Variants in PRAG1 observed in about 807,000 individuals in gnomAD.
The protein encoded by PRAG1 is PEAK1 related, kinase-activating pseudokinase 1.
In PRAG1, 110 loss-of-function variants were observed where a neutral mutation model predicts 95.6. The ratio of observed to expected loss-of-function variants is 1.15; its 90% CI spans 0.99 to 1.35. The LOEUF (loss-of-function observed/expected upper bound fraction) is 1.35, where lower values mean the gene tolerates loss of function less well. Ranked by LOEUF, PRAG1 falls within the 40% of genes most tolerant of loss-of-function variation. PRAG1 has a pLI of 0.00. For missense variants in PRAG1, 2,554 were observed against 1,864.7 expected (o/e 1.37, Z -6.81); for synonymous variants, 1,052 against 819.4 (o/e 1.28, Z -4.85).
At chr8:8,367,835 G>C (rs1378140273) in intron 3 of PRAG1, among the ~76,000 whole-genome samples, 1 of 152,102 alleles carries the variant, frequency 6.6e-6, no homozygotes, top group Admixed American at 6.5e-5. Flanking sequence ...TAGAGACGGG[G>C]TTTCACCACG....
chr8:8,376,966 C>T lies in PRAG1; in HGVS notation c.1443G>A (p.Pro481=), dbSNP rs373955959. The T allele has an allele frequency of 2.0e-5, 33 of 1,613,442 alleles. No individual in the cohort carries two copies. The highest frequency in any genetic ancestry group is 1.6e-4 in the Middle Eastern group (1 of 6,062). ...SATITVMAAH[P]EEDHRTIYLS... The stretch of plus-strand genomic sequence containing the variant: ...GGTAGATCGTCCGATGGTCCTCTTC[C>T]GGGTGGGCCGCCATGACTGTGATGG... The change falls in exon 3 of 6, where the codon CCG becomes CCA. Residue 481 remains proline (P), a synonymous_variant. Transcript: ENST00000615670.
intron 3 of PRAG1, 96 bp downstream of exon 3, chr8:8,376,151 G>T: frequency 6.7e-7 from 1 of 1,492,840 alleles, no homozygotes. Flanking sequence ...GGCAGATTCT[G>T]GGACCTGGGC....
intron 3 of PRAG1, among the ~76,000 whole-genome samples, chr8:8,373,597 G>A (rs755791856): frequency 6.6e-6 from 1 of 151,962 alleles, no homozygotes; most frequent in Non-Finnish European, 1.5e-5. Flanking sequence ...TGACAGGCAT[G>A]TGCCACCATC....
At chr8:8,384,608 C>CAA (rs11400182) in intron 1 of PRAG1, among the ~76,000 whole-genome samples, 1,249 of 92,404 alleles carry the variant, frequency 0.014, 15 homozygotes, top group African/African-American at 0.05. Flanking sequence ...CGCATGCAGC[C>CAA]AAAAAAAAAA....
In PRAG1 at chr8:8,339,614, C is replaced by T. The variant is rs375760425; in HGVS notation, c.2184G>A (p.Lys728=). 6.2e-7 allele frequency: 1 copy of T among 1,612,252 alleles called. No homozygotes were observed. The highest frequency in any genetic ancestry group is 1.3e-5 in the African/African-American group (1 of 74,904). The change falls in exon 4 of 6, where the codon AAG becomes AAA. Residue 728 remains lysine, a synonymous_variant. Coordinates refer to ENST00000615670, the MANE Select transcript of PRAG1 (RefSeq NM_001080826.3). The part of the protein sequence containing the change: ...PKSRHLLKMN[K]SSSDLEKVSQ... The stretch of plus-strand genomic sequence containing the variant: ...TCACTTTTTCCAAATCAGAGCTGCT[C>T]TTGTTCATTTTTAGAAGGTGCCTGG...
intron 3 of PRAG1, among the ~76,000 whole-genome samples, chr8:8,369,919 T>C (rs1371983796): frequency 6.6e-6 from 1 of 152,192 alleles, no homozygotes; most frequent in African/African-American, 2.4e-5. Flanking sequence ...GACAGTCATA[T>C]TGCACGCCTG....
intron 3 of PRAG1, among the ~76,000 whole-genome samples, chr8:8,373,184 C>G (rs2945852): frequency 1.3e-5 from 2 of 152,164 alleles, no homozygotes; most frequent in African/African-American, 2.4e-5. Context: ...CACTAACACT[C>G]TGATTTGCCA....
At chr8:8,380,750 G>C (rs1286080228) in intron 2 of PRAG1, among the ~76,000 whole-genome samples, 2 of 151,278 alleles carry the variant, frequency 1.3e-5, no homozygotes, top group African/African-American at 4.9e-5. Flanking sequence ...CTACTCAGGA[G>C]GCTGAGGCAG....
rs190393624 is a variant in PRAG1 at position 8,374,740 on chromosome 8, C to T, written c.2162+1507G>A. 3 of 984,422 alleles carry T rather than the reference C, an allele frequency of 3.0e-6. No individual in the cohort carries two copies. In the East Asian group the frequency reaches 3.4e-4, roughly 112 times the overall value. The allele number at this position is 984,422 out of a possible 1,614,324, so 61.0% of individuals were successfully genotyped here. The stretch of plus-strand genomic sequence containing the variant: ...CAGGATCTGGAAGATGTCTGTTCTC[C>T]ATGGTGGGCGGCCAGTGCAATACCA... On this transcript the variant is annotated intron_variant, in intron 3 of 5. Transcript: ENST00000615670.
rs1214780667 is a variant in PRAG1 at position 8,336,908 on chromosome 8, TC to T, written c.2320+2569del. ...CCCCACTCCCCTCCCCACACCCCTT[TC>T]CCCCCTCCCCCCACCTCCGACATAA... is the stretch of plus-strand genomic sequence containing the variant. On this transcript the variant is annotated intron_variant, in intron 4 of 5. Transcript: ENST00000615670. 1.1e-3 allele frequency among the ~76,000 whole-genome samples: 55 copies of T among 49,028 alleles called. 1 individual carries two copies. The highest frequency in any genetic ancestry group is 6.3e-3 in the Middle Eastern group (1 of 158). The allele number at this position is 49,028 out of a possible 152,430, so 32.2% of individuals were successfully genotyped here. A position where few individuals can be genotyped will look rare whatever the true frequency, so the allele number is the denominator to read the frequency against.
intron 4 of PRAG1, among the ~76,000 whole-genome samples, chr8:8,333,016 C>CT (rs1585227978): frequency 1.3e-5 from 2 of 152,310 alleles, no homozygotes; most frequent in East Asian, 3.9e-4. Context: ...AAAAGTCTGC[C>CT]TAAAAAATCC....
intron 3 of PRAG1, among the ~76,000 whole-genome samples, chr8:8,371,217 G>T (rs1374738400): frequency 1.3e-5 from 2 of 150,972 alleles, no homozygotes; most frequent in Non-Finnish European, 2.9e-5. Context: ...AAAAAGGGGT[G>T]AATTTAGCAA....
At chr8:8,333,675 G>A (rs1563231655) in intron 4 of PRAG1, among the ~76,000 whole-genome samples, 1 of 152,242 alleles carries the variant, frequency 6.6e-6, no homozygotes, top group Non-Finnish European at 1.5e-5. Context: ...GACAGAGGAA[G>A]TGGTCAGTCC....
At position 8,376,701 on chromosome 8, in the gene PRAG1, GCGGTGACACTGGGGGCCCTCCAGCAGA is replaced by G; in HGVS notation, c.1681_1707del (p.Ser561_Pro569del). 6.2e-7 allele frequency: 1 copy of G among 1,611,468 alleles called. No homozygotes were observed. The highest frequency in any genetic ancestry group is 8.5e-7 in the Non-Finnish European group (1 of 1,179,960). On this transcript the variant is annotated inframe_deletion, in exon 3 of 6. Transcript: ENST00000615670. The stretch of plus-strand genomic sequence containing the variant: ...GAGCTCCCATCACTAAGGTCAGCCA[GCGGTGACACTGGGGGCCCTCCAGCAGA>G]CGGTGACACCGGGGACCCTACAGGG...
chr8:8,344,050 TC>T (rs1260165268), intron 3 of PRAG1, among the ~76,000 whole-genome samples: 1 of 152,198 alleles, frequency 6.6e-6, no homozygotes, highest in Non-Finnish European at 1.5e-5. Flanking sequence ...TATGTTTTTT[TC>T]ATCCTAAGTC....
At chr8:8,350,940 ATGGG>A (rs1442397437) in intron 3 of PRAG1, among the ~76,000 whole-genome samples, 4 of 141,742 alleles carry the variant, frequency 2.8e-5, no homozygotes, top group Admixed American at 2.1e-4. Context: ...GGATGGATGG[ATGGG>A]TGCATGGATG....
At chr8:8,371,463 G>T (rs1255079154) in intron 3 of PRAG1, among the ~76,000 whole-genome samples, 1 of 151,930 alleles carries the variant, frequency 6.6e-6, no homozygotes, top group South Asian at 2.1e-4. Flanking sequence ...GTTTCACCGT[G>T]TTAGCCAGGA....
chr8:8,357,329 TCAA>T (rs971573341), intron 3 of PRAG1, among the ~76,000 whole-genome samples: 3 of 151,622 alleles, frequency 2.0e-5, no homozygotes, highest in Non-Finnish European at 2.9e-5. Flanking sequence ...CACTTAAAAC[TCAA>T]CAACAAGAAA....
intron 3 of PRAG1, among the ~76,000 whole-genome samples, chr8:8,353,221 A>G (rs1799581152): frequency 6.6e-6 from 1 of 152,222 alleles, no homozygotes; most frequent in Non-Finnish European, 1.5e-5. Context: ...ATGGACCTAA[A>G]AAGCATATAT....
Sources: gnomAD v4.1 joint callset for allele counts (sites outside exome capture counted in the v4.1 genomes callset) on GRCh38, gnomAD v4.1.1 for gene constraint, MANE v1.5 for transcripts, NCBI Gene and HGNC (gene_info 2026-07-23, HGNC 2026-07-21) for gene names.